CXCL8: variants seen among roughly 807,000 people sequenced by gnomAD.
CXCL8 encodes C-X-C motif chemokine ligand 8.
Under a neutral mutation model 10.9 loss-of-function variants are expected in CXCL8, and 12 were observed. That is an observed-to-expected ratio of 1.10 (90% CI 0.71 to 1.79). The LOEUF is 1.79. Among genes scored for constraint, CXCL8 ranks in the 40% most tolerant of loss-of-function variants. The pLI is 0.00. For missense variants in CXCL8, 145 were observed against 113.4 expected (o/e 1.28, Z -1.26); for synonymous variants, 41 against 39.6 (o/e 1.03, Z -0.13).
intron 2 of CXCL8, 63 bp from the exon 3 acceptor site, chr4:73,741,886 A>T: frequency 7.8e-7 from 1 of 1,278,898 alleles, no homozygotes; most frequent in Non-Finnish European, 1.1e-6. Context: ...TGCCTGACTT[A>T]AGGAATCATG....
rs970682011 is a variant in CXCL8, at chr4:73,740,693, C to G, written c.35C>G (p.Ala12Gly). 6 of 1,613,540 alleles carry G rather than the reference C, an allele frequency of 3.7e-6. No individual in the cohort carries two copies. Among genetic ancestry groups the G allele is most frequent in the Non-Finnish European group, 5.1e-6 (6 of 1,179,730 alleles). Residue 12 changes from alanine to glycine, a missense_variant, in exon 1 of 4, where the codon GCC becomes GGC. Transcript: ENST00000307407. ...TSKLAVALLA[A>G]FLISAALCEG... ...AAGCTGGCCGTGGCTCTCTTGGCAG[C>G]CTTCCTGATTTCTGCAGCTCTGTGT...
chr4:73,741,889 G>T (rs1178197980), intron 2 of CXCL8, 60 bp from the exon 3 acceptor site: 6 of 1,296,656 alleles, frequency 4.6e-6, no homozygotes, highest in Non-Finnish European at 6.7e-6. Context: ...CTGACTTAAG[G>T]AATCATGATT....
Position 73,743,112 on chromosome 4 carries a change from C to A in CXCL8, c.*648C>A, listed in dbSNP as rs990187514. On this transcript the variant is annotated 3_prime_UTR_variant, in exon 4 of 4. Coordinates refer to ENST00000307407, the MANE Select transcript of CXCL8 (RefSeq NM_000584.4). ...TTATTTTCAAGTGTAACTTATTAAC[C>A]TATTTATTATTTATGTATTTATTTA... 1 of 226,882 alleles carries A rather than the reference C, an allele frequency of 4.4e-6. No individual in the cohort carries two copies. Among genetic ancestry groups the A allele is most frequent in the Non-Finnish European group, 8.7e-6 (1 of 114,378 alleles). The allele number at this position is 226,882 out of a possible 1,614,324, so 14.1% of individuals were successfully genotyped here.
intron 1 of CXCL8, 32 bp downstream of exon 1, chr4:73,740,754 C>A: frequency 6.3e-7 from 1 of 1,590,962 alleles, no homozygotes; most frequent in Non-Finnish European, 8.6e-7. Flanking sequence ...ACAGCGTTTT[C>A]CTATGTCTAA....
Position 73,743,674 on chromosome 4 carries a change from A to C in CXCL8, c.*1210A>C. 5.0e-6 allele frequency: 1 copy of C among 199,466 alleles called. No homozygotes were observed. Among genetic ancestry groups the C allele is most frequent in the Non-Finnish European group, 1.0e-5 (1 of 97,226 alleles). The allele number at this position is 199,466 out of a possible 1,614,324, so 12.4% of individuals were successfully genotyped here. On this transcript the variant is annotated 3_prime_UTR_variant, in exon 4 of 4. Coordinates refer to ENST00000307407, the MANE Select transcript of CXCL8 (RefSeq NM_000584.4). The stretch of plus-strand genomic sequence containing the variant: ...GTTTCTGATTGTATGGAAATATAAA[A>C]GTAAATATGAAACATTTAAAATATA...
chr4:73,742,791 C>T lies in CXCL8; in HGVS notation c.*327C>T, dbSNP rs181377418. ...TGAGGCCAAGGGCCAAGAGAATATCCGAACTTTAATTTCAGGAATTGAATG... is the reference window on the plus strand; with the variant it reads ...TGAGGCCAAGGGCCAAGAGAATATCTGAACTTTAATTTCAGGAATTGAATG... On this transcript the variant is annotated 3_prime_UTR_variant, in exon 4 of 4. Coordinates refer to ENST00000307407, the MANE Select transcript of CXCL8 (RefSeq NM_000584.4). The T allele has an allele frequency of 1.6e-4, 41 of 251,606 alleles. No individual in the cohort carries two copies. The highest frequency in any genetic ancestry group is 7.4e-4 in the African/African-American group (34 of 46,014). 15.6% of individuals were successfully genotyped at this position (251,606 alleles called of 1,614,324 possible). A position where few individuals can be genotyped will look rare whatever the true frequency, so the allele number is the denominator to read the frequency against.
chr4:73,741,922 A>G (rs773747524), intron 2 of CXCL8, 27 bp from the exon 3 acceptor site: 1 of 1,515,108 alleles, frequency 6.6e-7, no homozygotes, highest in East Asian at 2.3e-5. Context: ...CTAAATATTA[A>G]TCTGAACCAT....
intron 1 of CXCL8, 69 bp from the exon 2 acceptor site, chr4:73,741,473 G>C: frequency 6.9e-7 from 1 of 1,446,174 alleles, no homozygotes; most frequent in East Asian, 2.3e-5. Context: ...ATTGGAATTA[G>C]AAAGGAAGTA....
Position 73,742,050 on chromosome 4 carries a change from T to C in CXCL8, c.284+18T>C. Reference sequence around the variant, plus strand: ...TTGAAGAGGTAAGTTATATATTTTTTAATTTAAATTTTTCATTTATCCTGA... The same window carrying C: ...TTGAAGAGGTAAGTTATATATTTTTCAATTTAAATTTTTCATTTATCCTGA... On this transcript the variant is annotated intron_variant, in intron 3 of 3. Transcript: ENST00000307407. 1 of 1,435,160 alleles carries C rather than the reference T, an allele frequency of 7.0e-7. No homozygotes were observed. The highest frequency in any genetic ancestry group is 1.3e-5 in the South Asian group (1 of 77,510). 88.9% of individuals were successfully genotyped at this position (1,435,160 alleles called of 1,614,324 possible). A position where few individuals can be genotyped will look rare whatever the true frequency, so the allele number is the denominator to read the frequency against.
chr4:73,742,260 T>C, intron 3 of CXCL8, 189 bp from the exon 4 acceptor site: 1 of 578,614 alleles, frequency 1.7e-6, no homozygotes, highest in South Asian at 2.5e-5. Context: ...CCTATACTCT[T>C]AGTAAAGTTC....
intron 2 of CXCL8, 86 bp from the exon 3 acceptor site, chr4:73,741,863 G>A (rs1302643811): frequency 8.8e-7 from 1 of 1,136,528 alleles, no homozygotes; most frequent in African/African-American, 1.5e-5. Flanking sequence ...TGTTATTTTG[G>A]ACTTAGACTT....
rs1000022557 is a variant in CXCL8 at position 73,743,126 on chromosome 4, T to A, written c.*662T>A. ...AACTTATTAACCTATTTATTATTTA[T>A]GTATTTATTTAAGCATCAAATATTT... On this transcript the variant is annotated 3_prime_UTR_variant, in exon 4 of 4. Coordinates refer to ENST00000307407, the MANE Select transcript of CXCL8 (RefSeq NM_000584.4). 1.3e-5 allele frequency: 3 copies of A among 226,850 alleles called. No homozygotes were observed. Among genetic ancestry groups the A allele is most frequent in the African/African-American group, 6.7e-5 (3 of 45,034 alleles). 14.1% of individuals were successfully genotyped at this position (226,850 alleles called of 1,614,324 possible).
rs1729220875 is a variant in CXCL8 at position 73,742,982 on chromosome 4, T to G, written c.*518T>G. On this transcript the variant is annotated 3_prime_UTR_variant, in exon 4 of 4. Transcript: ENST00000307407. ...AGTCCTTGTTCCACTGTGCCTTGGT[T>G]TCTCCTTTATTTCTAAGTGGAAAAA... 1 of 231,114 alleles carries G rather than the reference T, an allele frequency of 4.3e-6. No homozygotes were observed. The highest frequency in any genetic ancestry group is 6.1e-5 in the East Asian group (1 of 16,290). 14.3% of individuals were successfully genotyped at this position (231,114 alleles called of 1,614,324 possible).
intron 1 of CXCL8, 94 bp from the exon 2 acceptor site, chr4:73,741,448 T>G: frequency 1.7e-6 from 2 of 1,195,616 alleles, no homozygotes; most frequent in Non-Finnish European, 2.4e-6. Flanking sequence ...CCTTCCATAG[T>G]CTCCAAATAA....
rs1729213544 is a variant in CXCL8 at position 73,742,653 on chromosome 4, A to G, written c.*189A>G. The G allele has an allele frequency of 2.4e-6, 1 of 420,228 alleles. No individual in the cohort carries two copies. The highest frequency in any genetic ancestry group is 4.4e-5 in the Admixed American group (1 of 22,474). The allele number at this position is 420,228 out of a possible 1,614,324, so 26.0% of individuals were successfully genotyped here. On this transcript the variant is annotated 3_prime_UTR_variant, in exon 4 of 4. Transcript: ENST00000307407. ...TTTCATTGTACCATGAAATATCCAGAACATACTTATATGTAAAGTATTATT... is the reference window on the plus strand; with the variant it reads ...TTTCATTGTACCATGAAATATCCAGGACATACTTATATGTAAAGTATTATT...
intron 1 of CXCL8, among the ~76,000 whole-genome samples, chr4:73,741,001 T>C (rs1729157319): frequency 6.6e-6 from 1 of 152,172 alleles, no homozygotes; most frequent in Non-Finnish European, 1.5e-5. Context: ...GTATGTCCTA[T>C]TGAGAACCAC....
At chr4:73,741,428 A>C in intron 1 of CXCL8, 114 bp from the exon 2 acceptor site, 1 of 987,274 alleles carries the variant, frequency 1.0e-6, no homozygotes, top group Non-Finnish European at 1.5e-6. Flanking sequence ...AGTTCACTAG[A>C]AACATGATGC....
Position 73,742,681 on chromosome 4 carries a change from T to C in CXCL8, c.*217T>C. On this transcript the variant is annotated 3_prime_UTR_variant, in exon 4 of 4. Coordinates refer to ENST00000307407, the MANE Select transcript of CXCL8 (RefSeq NM_000584.4). ...ATACTTATATGTAAAGTATTATTTA[T>C]TTGAATCTACAAAAAACAACAAATA... 2.7e-6 allele frequency: 1 copy of C among 375,992 alleles called. No homozygotes were observed. The highest frequency in any genetic ancestry group is 5.0e-6 in the Non-Finnish European group (1 of 201,858). The allele number at this position is 375,992 out of a possible 1,614,324, so 23.3% of individuals were successfully genotyped here.
At chr4:73,740,748 C>A (rs373043928) in intron 1 of CXCL8, 26 bp downstream of exon 1, 1 of 1,602,220 alleles carries the variant, frequency 6.2e-7, no homozygotes, top group Non-Finnish European at 8.5e-7. Context: ...TGACCTACAG[C>A]GTTTTCCTAT....
Sources: allele counts gnomAD v4.1 joint callset (sites outside exome capture counted in the v4.1 genomes callset), GRCh38; gene constraint gnomAD v4.1.1; transcripts MANE v1.5; gene names NCBI Gene and HGNC (gene_info 2026-07-23, HGNC 2026-07-21).